NAALADL2: variants seen among roughly 807,000 people sequenced by gnomAD.
NAALADL2 encodes N-acetylated alpha-linked acidic dipeptidase like 2, also known as inactive N-acetylated-alpha-linked acidic dipeptidase-like protein 2.
In NAALADL2, 76 loss-of-function variants were observed where a neutral mutation model predicts 87.2. The observed-to-expected ratio is 0.87, with a 90% CI of 0.72 to 1.05. NAALADL2 has a LOEUF of 1.05. Among genes scored for constraint, NAALADL2 ranks in the 50% least tolerant of loss-of-function variants. The probability of loss-of-function intolerance (pLI) is 0.00; values close to 1 mark genes in which losing one functional copy is unlikely to be tolerated. For missense variants in NAALADL2, 1,089 were observed against 945.8 expected, an observed-to-expected ratio of 1.15 and a Z score of -1.99; for synonymous variants, 354 against 331.0, an observed-to-expected ratio of 1.07 and a Z score of -0.75.
intron 5 of NAALADL2, among the ~76,000 whole-genome samples, chr3:175,366,165 A>G (rs940491529): frequency 6.2e-5 from 9 of 144,892 alleles, no homozygotes; most frequent in African/African-American, 2.3e-4. Context: ...AATTTCATCC[A>G]TGTCCCTACA....
At chr3:175,542,984 G>A (rs2149473225) in intron 9 of NAALADL2, among the ~76,000 whole-genome samples, 1 of 152,110 alleles carries the variant, frequency 6.6e-6, no homozygotes, top group East Asian at 1.9e-4. Context: ...CATTATCCTG[G>A]CATCATTTAA....
Position 175,525,857 on chromosome 3 carries a change from A to G in NAALADL2, c.1654-50184A>G, listed in dbSNP as rs74432717. Among the ~76,000 whole-genome samples the G allele has an allele frequency of 3.2e-3, 488 of 152,262 alleles. 4 individuals are homozygous for G. The highest frequency in any genetic ancestry group is 0.011 in the African/African-American group (463 of 41,562). ...ATAATCATGTACTTTTATGGCAATGACCTGGTCATTATTAGTCATGATTAT... is the reference window on the plus strand; with the variant it reads ...ATAATCATGTACTTTTATGGCAATGGCCTGGTCATTATTAGTCATGATTAT... On this transcript the variant is annotated intron_variant, in intron 9 of 13. Coordinates refer to ENST00000454872, the MANE Select transcript of NAALADL2 (RefSeq NM_207015.3).
intron 4 of NAALADL2, among the ~76,000 whole-genome samples, chr3:175,316,127 G>A (rs1298324256): frequency 6.6e-6 from 1 of 152,140 alleles, no homozygotes; most frequent in Non-Finnish European, 1.5e-5. Context: ...TTGTCACATA[G>A]CTATTTAGTA....
intron 5 of NAALADL2, among the ~76,000 whole-genome samples, chr3:175,400,177 T>G (rs957135090): frequency 6.6e-6 from 1 of 152,116 alleles, no homozygotes; most frequent in African/African-American, 2.4e-5. Context: ...AAAAAATCAA[T>G]CTGCGTTATT....
intron 5 of NAALADL2, among the ~76,000 whole-genome samples, chr3:175,445,131 TAG>T (rs1581918035): frequency 6.6e-6 from 1 of 152,200 alleles, no homozygotes; most frequent in Non-Finnish European, 1.5e-5. Flanking sequence ...GGCTGCCTGA[TAG>T]AGTCATTCTG....
intron 4 of NAALADL2, among the ~76,000 whole-genome samples, chr3:175,278,968 T>A (rs12638236): frequency 0.2 from 30,600 of 152,126 alleles, 3,629 homozygotes; most frequent in East Asian, 0.49. Flanking sequence ...TTGTGCTATT[T>A]GGTGTAATAG....
In NAALADL2 at chr3:174,859,346, A is replaced by G; in HGVS notation, c.-62A>G. On this transcript the variant is annotated 5_prime_UTR_variant, in exon 1 of 14. Transcript: ENST00000454872. ...ACAGTAGAAAGTCAGAAGGTCACAA[A>G]GCTTGCAGGGTAAGTGACACAACTT... is the stretch of plus-strand genomic sequence containing the variant. The G allele has an allele frequency of 7.9e-7, 1 of 1,273,094 alleles. No homozygotes were observed. The highest frequency in any genetic ancestry group is 1.1e-6 in the Non-Finnish European group (1 of 884,946). The allele number at this position is 1,273,094 out of a possible 1,614,324, so 78.9% of individuals were successfully genotyped here. A position where few individuals can be genotyped will look rare whatever the true frequency, so the allele number is the denominator to read the frequency against.
At chr3:174,845,264 C>G (rs1430179299) in intron 3 of NAALADL2, among the ~76,000 whole-genome samples, 3 of 152,166 alleles carry the variant, frequency 2.0e-5, no homozygotes, top group Non-Finnish European at 1.5e-5. Context: ...GAGAGCCTGG[C>G]AGCTGTGCAG....
In NAALADL2 at chr3:175,671,876, T is replaced by C. The variant is rs535550631; in HGVS notation, c.1896+44490T>C. ...AATGAATCATTGAAACTATCAATGA[T>C]TGTATAATGAGTTTAAATTATTCTA... On this transcript the variant is annotated intron_variant, in intron 11 of 13. Coordinates refer to ENST00000454872, the MANE Select transcript of NAALADL2 (RefSeq NM_207015.3). Among the ~76,000 whole-genome samples, 11 of 152,178 alleles carry C rather than the reference T, an allele frequency of 7.2e-5. No homozygotes were observed. The South Asian group carries it at 2.3e-3, about 32-fold the overall frequency.
At chr3:175,271,446 G>T (rs1752821027) in intron 4 of NAALADL2, among the ~76,000 whole-genome samples, 1 of 152,148 alleles carries the variant, frequency 6.6e-6, no homozygotes, top group African/African-American at 2.4e-5. Context: ...AAGAGTATTT[G>T]TGGGTTATAA....
chr3:175,028,758 T>G (rs1046631974), intron 1 of NAALADL2, among the ~76,000 whole-genome samples: 3 of 151,938 alleles, frequency 2.0e-5, no homozygotes, highest in Admixed American at 6.6e-5. Flanking sequence ...ATAATACTAT[T>G]CCACCTCTCA....
chr3:174,855,704 T>TG (rs1725760463), upstream of NAALADL2, among the ~76,000 whole-genome samples: 1 of 151,368 alleles, frequency 6.6e-6, no homozygotes, highest in Non-Finnish European at 1.5e-5. Flanking sequence ...TGCTAGGAAC[T>TG]GGGCTAGGTG....
intron 2 of NAALADL2, among the ~76,000 whole-genome samples, chr3:175,213,949 A>G (rs911689653): frequency 6.6e-6 from 1 of 152,188 alleles, no homozygotes; most frequent in Non-Finnish European, 1.5e-5. Context: ...GGGAACTCCT[A>G]TGATTAAACC....
At chr3:174,624,993 A>G (rs940574692) in intron 2 of NAALADL2, among the ~76,000 whole-genome samples, 2 of 150,804 alleles carry the variant, frequency 1.3e-5, no homozygotes, top group African/African-American at 4.9e-5. Flanking sequence ...GAGGTAGTAC[A>G]TATGATCTAG....
chr3:175,342,505 CGTGTGTGTGTGTGT>C (rs35444340), intron 5 of NAALADL2, among the ~76,000 whole-genome samples: 3 of 146,620 alleles, frequency 2.0e-5, no homozygotes, highest in African/African-American at 7.5e-5. Flanking sequence ...CCAAATATTG[CGTGTGTGTGTGTGT>C]GTGTGTGTGT....
chr3:175,309,920 C>G (rs1472162835), intron 4 of NAALADL2, among the ~76,000 whole-genome samples: 2 of 152,160 alleles, frequency 1.3e-5, no homozygotes, highest in African/African-American at 4.8e-5. Context: ...CAGCATGTCT[C>G]TCTTAATTGC....
chr3:175,662,193 C>T (rs1237235209), intron 11 of NAALADL2, among the ~76,000 whole-genome samples: 2 of 151,800 alleles, frequency 1.3e-5, no homozygotes, highest in Non-Finnish European at 2.9e-5. Flanking sequence ...GTTTTCCTTG[C>T]AGCGATCTTT....
intron 1 of NAALADL2, among the ~76,000 whole-genome samples, chr3:175,057,112 G>A (rs1294991643): frequency 6.6e-6 from 1 of 152,156 alleles, no homozygotes; most frequent in Non-Finnish European, 1.5e-5. Context: ...ACAGGAGACT[G>A]TTTCTTGGCA....
At chr3:175,027,638 C>A (rs1752369364) in intron 1 of NAALADL2, among the ~76,000 whole-genome samples, 1 of 152,034 alleles carries the variant, frequency 6.6e-6, no homozygotes, top group Non-Finnish European at 1.5e-5. Flanking sequence ...TTCTCTGTCT[C>A]ATCAATAGAA....
Sources: allele counts gnomAD v4.1 joint callset (sites outside exome capture counted in the v4.1 genomes callset), GRCh38; gene constraint gnomAD v4.1.1; transcripts MANE v1.5; gene names NCBI Gene and HGNC (gene_info 2026-07-23, HGNC 2026-07-21).